The following HECTD4 variants were observed in gnomAD, a reference collection of about 807,000 sequenced individuals.
HECTD4 encodes the protein HECT domain E3 ubiquitin protein ligase 4.
A neutral mutation model predicts 471.5 loss-of-function variants in HECTD4; 114 were observed. The ratio of observed to expected loss-of-function variants is 0.24; its 90% confidence interval spans 0.21 to 0.28. The LOEUF is 0.28. Among genes scored for constraint, HECTD4 ranks in the 10% least tolerant of loss-of-function variants. The pLI, the probability that HECTD4 is intolerant of heterozygous loss-of-function variation, is 1.00. For synonymous variants in HECTD4, 2,012 were observed against 2,256.0 expected, an observed-to-expected ratio of 0.89 and a Z score of 3.07; for missense variants, 3,866 against 5,651.5, an observed-to-expected ratio of 0.68 and a Z score of 10.13.
At chr12:112,203,844 A>C (rs2032499203) in intron 53 of HECTD4, 72 bp from the exon 54 acceptor site, 15 of 855,622 alleles carry the variant, frequency 1.8e-5, no homozygotes. Flanking sequence ...TTTAGCATCT[A>C]AAATAGCTCT....
intron 7 of HECTD4, among the ~76,000 whole-genome samples, chr12:112,294,836 C>T (rs1285405204): frequency 6.6e-6 from 1 of 152,082 alleles, no homozygotes; most frequent in South Asian, 2.1e-4. Context: ...TTCTAAAAAG[C>T]CCATTGTTAA....
At chr12:112,298,928 A>AC (rs1167206464) in intron 7 of HECTD4, among the ~76,000 whole-genome samples, 2 of 151,702 alleles carry the variant, frequency 1.3e-5, no homozygotes, top group African/African-American at 4.8e-5. Flanking sequence ...GGCATGAGCT[A>AC]CCATGCCCAG....
At chr12:112,372,618 T>C (rs12811933) in intron 1 of HECTD4, among the ~76,000 whole-genome samples, 4 of 152,164 alleles carry the variant, frequency 2.6e-5, no homozygotes, top group African/African-American at 9.6e-5. Context: ...TTTGTAGAGA[T>C]GGGATCTTGC....
At chr12:112,369,608 A>C (rs1159653298) in intron 1 of HECTD4, among the ~76,000 whole-genome samples, 6 of 152,028 alleles carry the variant, frequency 3.9e-5, no homozygotes, top group Non-Finnish European at 7.4e-5. Flanking sequence ...GCCTTCCAAA[A>C]TGCTGGGATT....
At chr12:112,369,692 G>A (rs189488448) in intron 1 of HECTD4, among the ~76,000 whole-genome samples, 3 of 152,114 alleles carry the variant, frequency 2.0e-5, no homozygotes, top group East Asian at 1.9e-4. Context: ...GAGGGTGTGC[G>A]GAAAAGAGGT....
intron 1 of HECTD4, among the ~76,000 whole-genome samples, chr12:112,354,409 G>C (rs897341695): frequency 6.6e-6 from 1 of 152,060 alleles, no homozygotes; most frequent in African/African-American, 2.4e-5. Flanking sequence ...CCTCCTAAAA[G>C]AGACAGAAAG....
At chr12:112,366,609 A>G (rs931712660) in intron 1 of HECTD4, among the ~76,000 whole-genome samples, 58 of 152,090 alleles carry the variant, frequency 3.8e-4, no homozygotes, top group African/African-American at 1.3e-3. Flanking sequence ...AGAAGAAGAA[A>G]AAAAAGAGCG....
chr12:112,236,158 G>A (rs928502423), intron 35 of HECTD4, among the ~76,000 whole-genome samples: 1 of 152,090 alleles, frequency 6.6e-6, no homozygotes, highest in African/African-American at 2.4e-5. Flanking sequence ...GTATACACAG[G>A]AGCCTTCAGA....
intron 70 of HECTD4, among the ~76,000 whole-genome samples, chr12:112,168,133 A>G (rs1299827053): frequency 1.3e-5 from 2 of 152,190 alleles, no homozygotes; most frequent in African/African-American, 2.4e-5. Flanking sequence ...CACGGAGGGC[A>G]AGATGTCCCT....
At chr12:112,339,067 C>T (rs2036007385) in intron 1 of HECTD4, among the ~76,000 whole-genome samples, 2 of 152,122 alleles carry the variant, frequency 1.3e-5, no homozygotes, top group Non-Finnish European at 1.5e-5. Flanking sequence ...TACAATCCAT[C>T]AATCCACTCC....
At position 112,381,789 on chromosome 12, in the gene HECTD4, G is replaced by C. The variant is rs993693643; in HGVS notation, c.177+163C>G. ...GGGAGAGCGGGGCGGGCGGTCCGCAGACCTGCGGCCGCGGCCCCACCTGCC... is the reference window on the plus strand; with the variant it reads ...GGGAGAGCGGGGCGGGCGGTCCGCACACCTGCGGCCGCGGCCCCACCTGCC... On this transcript the variant is annotated intron_variant, in intron 1 of 75. Coordinates refer to ENST00000682272, the MANE Select transcript of HECTD4 (RefSeq NM_001388303.1). The surrounding 1 kb of genome is among the most constrained non-coding windows in gnomAD (Gnocchi z 4.1). 1.3e-5 allele frequency among the ~76,000 whole-genome samples: 2 copies of C among 151,938 alleles called. No individual in the cohort carries two copies. Among genetic ancestry groups the C allele is most frequent in the African/African-American group, 4.8e-5 (2 of 41,418 alleles).
chr12:112,169,756 C>T, intron 69 of HECTD4, 98 bp from the exon 70 acceptor site: 1 of 1,379,804 alleles, frequency 7.2e-7, no homozygotes, highest in Non-Finnish European at 1.0e-6. Context: ...TGTGCCTGTC[C>T]CTGGACCCCT....
At chr12:112,229,234 G>A (rs972017852) in intron 41 of HECTD4, among the ~76,000 whole-genome samples, 1 of 152,144 alleles carries the variant, frequency 6.6e-6, no homozygotes, top group South Asian at 2.1e-4. Context: ...GGCTGAGGCA[G>A]GAGAATCATT....
chr12:112,371,851 A>C (rs1192950651), intron 1 of HECTD4, among the ~76,000 whole-genome samples: 4 of 145,644 alleles, frequency 2.7e-5, no homozygotes, highest in Non-Finnish European at 1.5e-5. Context: ...GTGCCGTTGC[A>C]CTCCAGACTG....
chr12:112,210,499 C>T (rs1462163482), intron 49 of HECTD4, among the ~76,000 whole-genome samples: 1 of 152,328 alleles, frequency 6.6e-6, no homozygotes, highest in South Asian at 2.1e-4. Context: ...ACATTGACCT[C>T]TCTTGTTTCC....
At chr12:112,347,698 C>T (rs2036181177) in intron 1 of HECTD4, among the ~76,000 whole-genome samples, 3 of 152,196 alleles carry the variant, frequency 2.0e-5, no homozygotes, top group Admixed American at 2.0e-4. Flanking sequence ...TTCTTCTATT[C>T]CAACATAGCT....
chr12:112,356,494 A>G (rs1425129448), intron 1 of HECTD4, among the ~76,000 whole-genome samples: 3 of 152,054 alleles, frequency 2.0e-5, no homozygotes, highest in African/African-American at 7.2e-5. Flanking sequence ...GGTGGAGTGC[A>G]GTGGCATGAT....
intron 34 of HECTD4, among the ~76,000 whole-genome samples, chr12:112,237,996 C>T (rs1231436826): frequency 6.6e-6 from 1 of 152,052 alleles, no homozygotes; most frequent in Admixed American, 6.5e-5. Flanking sequence ...TCTGGTGATC[C>T]GCCCTCCTCA....
At chr12:112,191,208 G>T (rs936791299) in intron 59 of HECTD4, among the ~76,000 whole-genome samples, 2 of 152,220 alleles carry the variant, frequency 1.3e-5, no homozygotes, top group Non-Finnish European at 2.9e-5. Context: ...ATGGGACAAA[G>T]AACGGAGATG....
Sources: gnomAD v4.1 joint callset for allele counts (sites outside exome capture counted in the v4.1 genomes callset) on GRCh38, gnomAD v4.1.1 for gene constraint, Gnocchi (gnomAD v3.1) non-coding constraint, MANE v1.5 for transcripts, NCBI Gene and HGNC (gene_info 2026-07-23, HGNC 2026-07-21) for gene names.